Variants in PAICS observed in about 807,000 individuals in gnomAD.
PAICS encodes phosphoribosylaminoimidazole carboxylase and phosphoribosylaminoimidazolesuccinocarboxamide synthase, also known as bifunctional phosphoribosylaminoimidazole carboxylase/phosphoribosylaminoimidazole succinocarboxamide synthetase.
In PAICS, 33 loss-of-function variants were observed where a neutral mutation model predicts 53.7. The observed-to-expected ratio is 0.61, with a 90% confidence interval of 0.47 to 0.82. The LOEUF (loss-of-function observed/expected upper bound fraction) is 0.82, where lower values mean the gene tolerates loss of function less well. Among genes scored for constraint, PAICS ranks in the 40% least tolerant of loss-of-function variants. PAICS has a pLI of 0.00. For synonymous variants in PAICS, 141 were observed against 167.2 expected, an observed-to-expected ratio of 0.84 and a Z score of 1.21; for missense variants, 394 against 494.1, an observed-to-expected ratio of 0.80 and a Z score of 1.92.
chr4:56,420,372 A>G, the PAICS span: 8 of 152,252 alleles, frequency 5.3e-5, no homozygotes, highest in African/African-American at 1.4e-4. Context: ...TTGGTGCTCA[A>G]AAAGTTTCAA....
Position 56,459,893 on chromosome 4 carries a change from ATTTT to A in PAICS, c.*369_*372del, listed in dbSNP as rs878904282. On this transcript the variant is annotated 3_prime_UTR_variant, in exon 9 of 9. Transcript: ENST00000512576. ...CCCAGCTATATTTCTCCAGACTTGC[ATTTT>A]TTTTTTTTTTTTTGAGACAGGGTCT... The A allele has an allele frequency of 2.0e-4, 28 of 140,216 alleles. No individual in the cohort carries two copies. Among genetic ancestry groups the A allele is most frequent in the South Asian group, 1.3e-3 (6 of 4,786 alleles). 8.7% of individuals were successfully genotyped at this position (140,216 alleles called of 1,614,324 possible).
At chr4:56,448,655 G>GTTA (rs1718744200) in intron 4 of PAICS, 55 bp from the exon 5 acceptor site, 1 of 1,515,260 alleles carries the variant, frequency 6.6e-7, no homozygotes, top group Non-Finnish European at 9.1e-7. Flanking sequence ...GGTTATAGTT[G>GTTA]AGAGATGCTT....
chr4:56,444,513 ACT>A (rs1220103429), intron 2 of PAICS, among the ~76,000 whole-genome samples: 1 of 152,198 alleles, frequency 6.6e-6, no homozygotes, highest in African/African-American at 2.4e-5. Context: ...AGCTAGAATT[ACT>A]ATTCTAGCTA....
chr4:56,420,050 T>A, the PAICS span: 1 of 964,966 alleles, frequency 1.0e-6, no homozygotes. Flanking sequence ...ACCAGACAGG[T>A]AGGAAGGTGA....
At chr4:56,430,190 T>C in the PAICS span, among the ~76,000 whole-genome samples, 1 of 152,198 alleles carries the variant, frequency 6.6e-6, no homozygotes, top group Non-Finnish European at 1.5e-5. Flanking sequence ...GGGGCTTTTT[T>C]GAAAAATTGC....
rs762276221 is a variant in PAICS, at chr4:56,459,520, C to T, written c.1260C>T (p.Ile420=). Residue 420 remains isoleucine, a synonymous_variant, in exon 9 of 9, where the codon ATC becomes ATT. Coordinates refer to ENST00000512576, the MANE Select transcript of PAICS (RefSeq NM_001079524.2). Reference sequence around the variant, plus strand: ...CCTTGAAGCAGGCTGACAAGAAAATCAGAGAATGTAATTTATAAGAAAGAA... The same window carrying T: ...CCTTGAAGCAGGCTGACAAGAAAATTAGAGAATGTAATTTATAAGAAAGAA... ...WISLKQADKK[I]RECNL is the part of the protein sequence containing the mutation. 3.8e-6 allele frequency: 6 copies of T among 1,560,362 alleles called. No individual in the cohort carries two copies. Among genetic ancestry groups the T allele is most frequent in the Non-Finnish European group, 4.4e-6 (5 of 1,143,736 alleles).
chr4:56,417,200 A>G, the PAICS span, among the ~76,000 whole-genome samples: 2 of 152,236 alleles, frequency 1.3e-5, no homozygotes, highest in African/African-American at 2.4e-5. Context: ...TCTAACTTAC[A>G]TAATAGAAAA....
At chr4:56,423,585 TG>T in the PAICS span, 1 of 152,126 alleles carries the variant, frequency 6.6e-6, no homozygotes. Flanking sequence ...GTTAGTCCTC[TG>T]GAAAACTTAC....
chr4:56,446,673 A>T (rs1225204837), intron 2 of PAICS, 22 bp from the exon 3 acceptor site: 2 of 1,486,456 alleles, frequency 1.3e-6, no homozygotes, highest in Admixed American at 2.0e-5. Context: ...TACCTTTTTT[A>T]ACTTTGGTTA....
upstream of PAICS, chr4:56,436,242 T>C: frequency 1.3e-6 from 2 of 1,554,338 alleles, no homozygotes; most frequent in Non-Finnish European, 1.7e-6. Flanking sequence ...CGAAGCTCTC[T>C]GACCACCCCT....
the PAICS span, among the ~76,000 whole-genome samples, chr4:56,426,411 AAAG>A: frequency 6.6e-6 from 1 of 152,032 alleles, no homozygotes; most frequent in Non-Finnish European, 1.5e-5. Context: ...CAAAAAAAAA[AAAG>A]AAAGAAACCC....
chr4:56,457,373 A>T (rs1163070432), intron 8 of PAICS, among the ~76,000 whole-genome samples: 1 of 152,162 alleles, frequency 6.6e-6, no homozygotes, highest in East Asian at 1.9e-4. Flanking sequence ...TGATTGCACC[A>T]CTGCACTCCG....
chr4:56,453,928 C>G (rs1315216925), intron 8 of PAICS, among the ~76,000 whole-genome samples, 167 bp downstream of exon 8: 1 of 152,158 alleles, frequency 6.6e-6, no homozygotes, highest in African/African-American at 2.4e-5. Flanking sequence ...TAAAGCAGAT[C>G]TTAGACGTTA....
chr4:56,446,385 T>C lies in PAICS; in HGVS notation c.215-310T>C, dbSNP rs372158302. 6.4e-5 allele frequency: 46 copies of C among 718,146 alleles called. No individual in the cohort carries two copies. In the African/African-American group the frequency reaches 7.7e-4, roughly 12 times the overall value. The allele number at this position is 718,146 out of a possible 1,614,324, so 44.5% of individuals were successfully genotyped here. On this transcript the variant is annotated intron_variant, in intron 2 of 8. Coordinates refer to ENST00000512576, the MANE Select transcript of PAICS (RefSeq NM_001079524.2). The stretch of plus-strand genomic sequence containing the variant: ...CCTCATATAAGTCAAATCGTAAGTA[T>C]TTGTTCTTTTGCATTTTGTGTTTTT...
intron 5 of PAICS, among the ~76,000 whole-genome samples, 152 bp downstream of exon 5, chr4:56,448,975 T>G (rs1343745376): frequency 6.6e-6 from 1 of 152,208 alleles, no homozygotes. Context: ...ATGTCTCTGG[T>G]ATCCTAATAG....
At chr4:56,414,791 C>T in the PAICS span, among the ~76,000 whole-genome samples, 1 of 152,162 alleles carries the variant, frequency 6.6e-6, no homozygotes, top group Non-Finnish European at 1.5e-5. Flanking sequence ...TGTTAAATAA[C>T]CTGGGCCCTG....
chr4:56,458,451 CT>C (rs1358681954), intron 8 of PAICS, among the ~76,000 whole-genome samples: 5 of 152,130 alleles, frequency 3.3e-5, no homozygotes, highest in African/African-American at 9.7e-5. Flanking sequence ...GCTCTAAGCA[CT>C]TTATCTATGT....
the PAICS span, among the ~76,000 whole-genome samples, chr4:56,430,120 T>A: frequency 6.6e-6 from 1 of 152,120 alleles, no homozygotes; most frequent in African/African-American, 2.4e-5. Flanking sequence ...TAAATAAACG[T>A]ATATCCCATT....
Position 56,441,661 on chromosome 4 carries a change from A to G in PAICS, c.17-2A>G, listed in dbSNP as rs575326096. Reference sequence around the variant, plus strand: ...TGGTCTATTTCCATTTTATTTCCACAGTACTGAACATTGGTAAAAAATTAT... The same window carrying G: ...TGGTCTATTTCCATTTTATTTCCACGGTACTGAACATTGGTAAAAAATTAT... On this transcript the variant is annotated splice_acceptor_variant, in intron 1 of 8. Coordinates refer to ENST00000512576, the MANE Select transcript of PAICS (RefSeq NM_001079524.2). LOFTEE classifies it high-confidence loss of function. 1 of 1,464,832 alleles carries G rather than the reference A, an allele frequency of 6.8e-7. No individual in the cohort carries two copies. Among genetic ancestry groups the G allele is most frequent in the Non-Finnish European group, 9.2e-7 (1 of 1,092,196 alleles). The allele number at this position is 1,464,832 out of a possible 1,614,324, so 90.7% of individuals were successfully genotyped here.
Sources: gnomAD v4.1 joint callset for allele counts (sites outside exome capture counted in the v4.1 genomes callset) on GRCh38, gnomAD v4.1.1 for gene constraint, MANE v1.5 for transcripts, NCBI Gene and HGNC (gene_info 2026-07-23, HGNC 2026-07-21) for gene names.